Variants in HECTD2 observed in about 807,000 individuals in gnomAD.
HECTD2 encodes HECT domain E3 ubiquitin protein ligase 2.
In HECTD2, 35 loss-of-function variants were observed where a neutral mutation model predicts 103.2. The observed-to-expected ratio is 0.34, with a 90% CI of 0.26 to 0.45. HECTD2 has a LOEUF of 0.45. HECTD2 is among the 20% of genes least tolerant of loss of function. The probability of loss-of-function intolerance (pLI) is 1.00; values close to 1 mark genes in which losing one functional copy is unlikely to be tolerated. For missense variants in HECTD2, 596 were observed against 937.4 expected (o/e 0.64, Z 4.76); for synonymous variants, 281 against 329.9 (o/e 0.85, Z 1.61).
At chr10:91,434,390 C>T (rs1293273106) in intron 2 of HECTD2, among the ~76,000 whole-genome samples, 1 of 151,996 alleles carries the variant, frequency 6.6e-6, no homozygotes, top group Non-Finnish European at 1.5e-5. Flanking sequence ...GGCTGGTACT[C>T]ACACGTTGTC....
chr10:91,471,334 A>G (rs1845719894), intron 5 of HECTD2, among the ~76,000 whole-genome samples: 1 of 152,144 alleles, frequency 6.6e-6, no homozygotes, highest in East Asian at 1.9e-4. Flanking sequence ...AATAATAGGA[A>G]TCGTCTGTGA....
chr10:91,511,752 C>T (rs1025601555), intron 20 of HECTD2, among the ~76,000 whole-genome samples: 5 of 152,174 alleles, frequency 3.3e-5, no homozygotes, highest in Non-Finnish European at 7.3e-5. Flanking sequence ...TAATGCTCGC[C>T]TGCCACTCAC....
chr10:91,506,836 G>T (rs1167510263), intron 20 of HECTD2, among the ~76,000 whole-genome samples: 2 of 151,158 alleles, frequency 1.3e-5, no homozygotes, highest in Non-Finnish European at 2.9e-5. Context: ...GAGAATTTTA[G>T]ACCAATATCC....
intron 2 of HECTD2, among the ~76,000 whole-genome samples, chr10:91,455,149 T>A (rs575229554): frequency 4.6e-5 from 7 of 152,186 alleles, no homozygotes; most frequent in African/African-American, 1.2e-4. Context: ...CGCCACACTG[T>A]CTTCCACAAT....
Position 91,495,369 on chromosome 10 carries a change from T to TA in HECTD2, c.1522-844dup, listed in dbSNP as rs541645566. On this transcript the variant is annotated intron_variant, in intron 14 of 20. Coordinates refer to ENST00000298068, the MANE Select transcript of HECTD2 (RefSeq NM_182765.6). Reference sequence around the variant, plus strand: ...ACAATTATTTTGAAGTATAAGGCCTTATTATCAGACTTCATTACACCTTAG... The same window carrying TA: ...ACAATTATTTTGAAGTATAAGGCCTTAATTATCAGACTTCATTACACCTTAG... 3.3e-3 allele frequency among the ~76,000 whole-genome samples: 509 copies of TA among 152,150 alleles called. 3 individuals are homozygous for TA. The highest frequency in any genetic ancestry group is 4.4e-3 in the Non-Finnish European group (299 of 67,878).
chr10:91,482,647 G>A (rs1171325946), intron 7 of HECTD2, among the ~76,000 whole-genome samples: 1 of 151,888 alleles, frequency 6.6e-6, no homozygotes, highest in Admixed American at 6.6e-5. Context: ...CAACCCTTAA[G>A]ATAGAGAATA....
intron 20 of HECTD2, among the ~76,000 whole-genome samples, chr10:91,511,138 A>T (rs1327716349): frequency 6.6e-6 from 1 of 152,302 alleles, no homozygotes; most frequent in Middle Eastern, 3.4e-3. Flanking sequence ...ACTTCTTTAA[A>T]AATGTTTTCC....
At chr10:91,415,996 CT>C (rs978321195) in intron 1 of HECTD2, among the ~76,000 whole-genome samples, 4 of 149,724 alleles carry the variant, frequency 2.7e-5, no homozygotes, top group African/African-American at 9.8e-5. Flanking sequence ...TCTTTGTCAA[CT>C]TTTTTTTTAA....
intron 2 of HECTD2, among the ~76,000 whole-genome samples, chr10:91,443,967 T>G (rs1265111942): frequency 6.6e-6 from 1 of 152,160 alleles, no homozygotes; most frequent in Admixed American, 6.5e-5. Context: ...ACAAATGGCT[T>G]CTTATAGATT....
chr10:91,443,478 A>G (rs1844452638), intron 2 of HECTD2, among the ~76,000 whole-genome samples: 1 of 151,674 alleles, frequency 6.6e-6, no homozygotes, highest in South Asian at 2.1e-4. Context: ...GGCACCTGCC[A>G]GATGCCAGCT....
rs551593427 is a variant in HECTD2, at chr10:91,513,199, C to G, written c.*815C>G. 1.3e-5 allele frequency: 2 copies of G among 152,442 alleles called. No individual in the cohort carries two copies. Among genetic ancestry groups the G allele is most frequent in the Admixed American group, 6.6e-5 (1 of 15,262 alleles). The allele number at this position is 152,442 out of a possible 1,614,324, so 9.4% of individuals were successfully genotyped here. A position where few individuals can be genotyped will look rare whatever the true frequency, so the allele number is the denominator to read the frequency against. ...ATAATGATCATTTCTTCTTAAGGCT[C>G]AAGATATTAGAAAAGAAATCAGACC... On this transcript the variant is annotated 3_prime_UTR_variant, in exon 21 of 21. Coordinates refer to ENST00000298068, the MANE Select transcript of HECTD2 (RefSeq NM_182765.6).
intron 11 of HECTD2, chr10:91,489,568 A>T (rs1846391080): frequency 6.6e-6 from 1 of 152,198 alleles, no homozygotes; most frequent in Non-Finnish European, 1.5e-5. Context: ...TGCCATTAGC[A>T]TCCTAGCATA....
intron 10 of HECTD2, chr10:91,486,824 G>T (rs1479498322): frequency 6.6e-6 from 1 of 151,504 alleles, no homozygotes; most frequent in Non-Finnish European, 1.5e-5. Flanking sequence ...TTGTCCCATG[G>T]TAAAAGCCAT....
At chr10:91,509,609 A>G (rs1047977477) in intron 20 of HECTD2, among the ~76,000 whole-genome samples, 1 of 152,228 alleles carries the variant, frequency 6.6e-6, no homozygotes, top group African/African-American at 2.4e-5. Context: ...ATTAAAAAAA[A>G]GATCATGTCC....
chr10:91,422,900 C>T (rs988887420), intron 1 of HECTD2, among the ~76,000 whole-genome samples: 8 of 152,172 alleles, frequency 5.3e-5, no homozygotes, highest in South Asian at 4.1e-4. Flanking sequence ...TTCTTTGAGA[C>T]TTCTTTTATT....
chr10:91,436,317 G>A (rs1844115906), intron 2 of HECTD2, among the ~76,000 whole-genome samples: 2 of 151,922 alleles, frequency 1.3e-5, no homozygotes, highest in African/African-American at 4.8e-5. Flanking sequence ...TGGGTAGCCT[G>A]TTGATTGAGG....
rs768922199 is a variant in HECTD2, at chr10:91,491,314, T to C, written c.1299+7T>C. 1.6e-5 allele frequency: 20 copies of C among 1,259,600 alleles called. No individual in the cohort carries two copies. Among genetic ancestry groups the C allele is most frequent in the Non-Finnish European group, 2.1e-5 (19 of 888,534 alleles). 78.0% of individuals were successfully genotyped at this position (1,259,600 alleles called of 1,614,324 possible). ...TAGCGATTCACTTGATGAGGTATAATTTATTCCAAAATGATATTAATTAAA... is the reference window on the plus strand; with the variant it reads ...TAGCGATTCACTTGATGAGGTATAACTTATTCCAAAATGATATTAATTAAA... On this transcript the variant is annotated splice_region_variant and intron_variant, in intron 12 of 20. Transcript: ENST00000298068.
At chr10:91,460,779 CACTA>C (rs1190232005) in intron 3 of HECTD2, among the ~76,000 whole-genome samples, 13 of 151,898 alleles carry the variant, frequency 8.6e-5, no homozygotes, top group Non-Finnish European at 1.6e-4. Context: ...ATAAAGGAAA[CACTA>C]AGTAAGAGTC....
intron 18 of HECTD2, 112 bp from the exon 19 acceptor site, chr10:91,500,390 G>A: frequency 3.0e-6 from 1 of 330,072 alleles, no homozygotes. Context: ...AAAATGGTTT[G>A]ATTTACTATG....
Sources: allele counts gnomAD v4.1 joint callset (sites outside exome capture counted in the v4.1 genomes callset), GRCh38; gene constraint gnomAD v4.1.1; transcripts MANE v1.5; gene names NCBI Gene and HGNC (gene_info 2026-07-23, HGNC 2026-07-21).